ERG: variants seen among roughly 807,000 people sequenced by gnomAD.
ERG encodes transcriptional regulator ERG.
Under a neutral mutation model 55.3 loss-of-function variants are expected in ERG, and 9 were observed. The ratio of observed to expected loss-of-function variants is 0.16; its 90% CI spans 0.10 to 0.28. ERG has a LOEUF of 0.28. Ranked by LOEUF, ERG falls within the 10% of genes least tolerant of loss-of-function variation. The pLI, the probability that ERG is intolerant of heterozygous loss-of-function variation, is 1.00. For missense variants in ERG, 434 were observed against 631.6 expected, an observed-to-expected ratio of 0.69 and a Z score of 3.35; for synonymous variants, 223 against 237.3, an observed-to-expected ratio of 0.94 and a Z score of 0.55.
At position 38,640,500 on chromosome 21, in the gene ERG, T is replaced by C. The variant is rs150232647; in HGVS notation, c.-150+21158A>G. ...GTGGGAGGGAGCCGGTGGGAGATGATTGAGTCATGGGGTGGTGTCTCCCAC... is the reference window on the plus strand; with the variant it reads ...GTGGGAGGGAGCCGGTGGGAGATGACTGAGTCATGGGGTGGTGTCTCCCAC... On this transcript the variant is annotated intron_variant, in intron 1 of 10. Coordinates refer to the ERG transcript ENST00000398910. Among the ~76,000 whole-genome samples, 34 of 152,228 alleles carry C rather than the reference T, an allele frequency of 2.2e-4. No homozygotes were observed. The East Asian group carries it at 4.8e-3, about 22-fold the overall frequency.
At chr21:38,544,259 T>C (rs534025855) in intron 2 of ERG, among the ~76,000 whole-genome samples, 20 of 152,300 alleles carry the variant, frequency 1.3e-4, no homozygotes, top group Admixed American at 3.9e-4. Flanking sequence ...GCTGAAGAAG[T>C]AACCGGGATC....
At chr21:38,598,092 T>A (rs572679929) in intron 1 of ERG, among the ~76,000 whole-genome samples, 2 of 152,274 alleles carry the variant, frequency 1.3e-5, no homozygotes, top group South Asian at 2.1e-4. Context: ...ACCAGCCACG[T>A]CCTTTACACA....
At chr21:38,645,079 AG>A (rs2060447884) in intron 1 of ERG, among the ~76,000 whole-genome samples, 2 of 152,176 alleles carry the variant, frequency 1.3e-5, no homozygotes, top group Admixed American at 1.3e-4. Flanking sequence ...GGATCATTTG[AG>A]TGTGGGAGAT....
In ERG at chr21:38,423,431, G is replaced by C. The variant is rs187337793; in HGVS notation, c.367C>G (p.Arg123Gly). 3 of 1,613,808 alleles carry C rather than the reference G, an allele frequency of 1.9e-6. No individual in the cohort carries two copies. Among genetic ancestry groups the C allele is most frequent in the Non-Finnish European group, 2.5e-6 (3 of 1,179,844 alleles). ...TGACCTGCTGGCACGATAACTCTGC[G>C]CTCGTTCGTGGTCATGTTTGGGGGT... is the stretch of plus-strand genomic sequence containing the variant. The part of the protein sequence containing the change: ...MPPPNMTTNE[R>G]RVIVPADPTL... Residue 123 changes from arginine (R) to glycine (G), a missense_variant, in exon 3 of 10, where the codon CGC becomes GGC. Physicochemically the swap from Arg to Gly is moderately radical, Grantham distance 125. Around this residue, in one of 5 missense-constraint regions of ERG, gnomAD observed 212 missense variants for 262.9 expected, o/e 0.81. Transcript: ENST00000288319.
intron 3 of ERG, among the ~76,000 whole-genome samples, chr21:38,406,154 C>CAAAAAAAAAAAAAAAAAA (rs56711562): frequency 1.7e-3 from 157 of 94,942 alleles, no homozygotes; most frequent in East Asian, 5.7e-3. Context: ...GACTCCATCT[C>CAAAAAAAAAAAAAAAAAA]AAAAAAAAAA....
chr21:38,613,322 T>C (rs986063163), intron 1 of ERG, among the ~76,000 whole-genome samples: 7 of 152,244 alleles, frequency 4.6e-5, no homozygotes, highest in Non-Finnish European at 1.0e-4. Context: ...AGTCTACAGT[T>C]GACATGTGTC....
At chr21:38,494,900 C>T (rs1167057886) in intron 1 of ERG, among the ~76,000 whole-genome samples, 2 of 152,340 alleles carry the variant, frequency 1.3e-5, no homozygotes, top group East Asian at 1.9e-4. Context: ...TGACCAAGAA[C>T]GGAAGCAGCA....
At chr21:38,608,903 T>C (rs1048635604) in intron 1 of ERG, among the ~76,000 whole-genome samples, 3 of 152,158 alleles carry the variant, frequency 2.0e-5, no homozygotes, top group Admixed American at 2.0e-4. Flanking sequence ...TGCATATATT[T>C]ATTGAAAGTA....
At chr21:38,423,618 C>T (rs1381255850) in intron 2 of ERG, 57 bp from the exon 3 acceptor site, 9 of 1,522,844 alleles carry the variant, frequency 5.9e-6, no homozygotes, top group South Asian at 2.4e-5. Context: ...ATGTCTCCAT[C>T]GACTTCTCAC....
chr21:38,628,473 A>C (rs1052991018), intron 1 of ERG, among the ~76,000 whole-genome samples: 2 of 152,184 alleles, frequency 1.3e-5, no homozygotes, highest in Admixed American at 1.3e-4. Flanking sequence ...AATGAAAGAC[A>C]TGATGATCTA....
intron 1 of ERG, chr21:38,660,802 C>A (rs1261226041): frequency 6.6e-6 from 1 of 151,544 alleles, no homozygotes; most frequent in Admixed American, 6.6e-5. Flanking sequence ...CGGGAATGCA[C>A]GCGCGTGGCC....
intron 1 of ERG, among the ~76,000 whole-genome samples, chr21:38,647,356 G>A (rs527735876): frequency 2.6e-5 from 4 of 152,212 alleles, no homozygotes; most frequent in South Asian, 2.1e-4. Flanking sequence ...TTGGCATTTC[G>A]TATTTAAGCC....
chr21:38,594,645 T>C (rs1412245170), intron 1 of ERG, among the ~76,000 whole-genome samples: 10 of 152,200 alleles, frequency 6.6e-5, no homozygotes, highest in Non-Finnish European at 1.3e-4. Flanking sequence ...TGGAATCATC[T>C]GAAGGAGAGG....
intron 2 of ERG, among the ~76,000 whole-genome samples, chr21:38,506,131 T>C (rs758455845): frequency 1.3e-5 from 2 of 152,012 alleles, no homozygotes; most frequent in Non-Finnish European, 2.9e-5. Context: ...AAGGCATAAA[T>C]CTGGGGGGGT....
At chr21:38,403,768 G>GA in intron 3 of ERG, 59 bp from the exon 4 acceptor site, 1 of 1,526,074 alleles carries the variant, frequency 6.6e-7, no homozygotes, top group Non-Finnish European at 9.1e-7. Flanking sequence ...TCATCTTGGG[G>GA]TAGATCCCCA....
chr21:38,638,929 G>A (rs2060406992), intron 1 of ERG, among the ~76,000 whole-genome samples: 1 of 152,148 alleles, frequency 6.6e-6, no homozygotes, highest in Admixed American at 6.5e-5. Flanking sequence ...GTGAGGGAAT[G>A]AGGCAACATA....
intron 2 of ERG, among the ~76,000 whole-genome samples, chr21:38,525,115 T>A (rs1241445453): frequency 6.6e-6 from 1 of 152,024 alleles, no homozygotes; most frequent in East Asian, 1.9e-4. Flanking sequence ...GACAAGAAAA[T>A]TAATTTTTAA....
chr21:38,436,017 TTTC>T (rs1025137054), intron 2 of ERG, among the ~76,000 whole-genome samples: 3 of 102,934 alleles, frequency 2.9e-5, no homozygotes, highest in African/African-American at 1.2e-4. Context: ...ACTTTCTTTT[TTTC>T]TTTTTTTTTT....
intron 2 of ERG, among the ~76,000 whole-genome samples, chr21:38,551,003 T>C (rs1023903024): frequency 1.5e-4 from 23 of 152,230 alleles, no homozygotes; most frequent in African/African-American, 5.5e-4. Flanking sequence ...GGAAAGTAAG[T>C]TATTCAATAG....
Sources: gnomAD v4.1 joint callset for allele counts (sites outside exome capture counted in the v4.1 genomes callset) on GRCh38, gnomAD v4.1.1 for gene constraint, gnomAD v4.1.1 regional missense constraint, MANE v1.5 for transcripts, NCBI Gene and HGNC (gene_info 2026-07-23, HGNC 2026-07-21) for gene names.